Variants in APP observed in about 807,000 individuals in gnomAD.
APP encodes the protein amyloid-beta precursor protein.
In APP, 31 loss-of-function variants were observed where a neutral mutation model predicts 101.4. That is an observed-to-expected ratio of 0.31 (90% CI 0.23 to 0.41). The LOEUF (loss-of-function observed/expected upper bound fraction) is 0.41. Ranked by LOEUF, APP falls within the 10% of genes least tolerant of loss-of-function variation. APP has a pLI of 1.00. For missense variants in APP, 839 were observed against 1,003.7 expected (o/e 0.84, Z 2.22); for synonymous variants, 366 against 364.4 (o/e 1.00, Z -0.05).
chr21:26,080,456 A>C (rs2146074917), intron 3 of APP, among the ~76,000 whole-genome samples: 1 of 152,016 alleles, frequency 6.6e-6, no homozygotes, highest in East Asian at 1.9e-4. Context: ...TGACTGAATT[A>C]AAATAGCTTT....
chr21:25,905,102 A>G, intron 14 of APP, 25 bp from the exon 15 acceptor site: 1 of 1,609,192 alleles, frequency 6.2e-7, no homozygotes, highest in Non-Finnish European at 8.5e-7. Flanking sequence ...CAAGGGACAC[A>G]GAAAGCAAAC....
chr21:26,030,774 G>A (rs2044782464), intron 5 of APP, among the ~76,000 whole-genome samples: 1 of 152,194 alleles, frequency 6.6e-6, no homozygotes, highest in Non-Finnish European at 1.5e-5. Flanking sequence ...AGAAAACTGT[G>A]AACGAGCAAA....
At chr21:26,148,455 G>C (rs12481729) in intron 1 of APP, among the ~76,000 whole-genome samples, 7,704 of 152,260 alleles carry the variant, frequency 0.051, 308 homozygotes, top group South Asian at 0.097. Context: ...AGGTCAGATG[G>C]GGAGGGACAA....
intron 5 of APP, among the ~76,000 whole-genome samples, chr21:26,033,542 G>A (rs1384209135): frequency 2.0e-5 from 3 of 152,212 alleles, no homozygotes; most frequent in Non-Finnish European, 2.9e-5. Flanking sequence ...TGGTGGAGGA[G>A]GGGGTGGACT....
At chr21:26,136,730 G>A (rs1487829350) in intron 1 of APP, among the ~76,000 whole-genome samples, 10 of 151,832 alleles carry the variant, frequency 6.6e-5, no homozygotes, top group African/African-American at 2.4e-4. Flanking sequence ...TAAAACACAG[G>A]TTGGTTGTTT....
At chr21:26,019,478 G>A (rs995291912) in intron 6 of APP, among the ~76,000 whole-genome samples, 1 of 152,076 alleles carries the variant, frequency 6.6e-6, no homozygotes, top group Non-Finnish European at 1.5e-5. Flanking sequence ...TCTTACTCTC[G>A]GAGGCAGGTT....
Position 26,000,068 on chromosome 21 carries a change from T to A in APP, c.980A>T (p.Asn327Ile). 6.2e-7 allele frequency: 1 copy of A among 1,614,164 alleles called. No homozygotes were observed. Among genetic ancestry groups the A allele is most frequent in the Non-Finnish European group, 8.5e-7 (1 of 1,180,014 alleles). ...APFFYGGCGG[N>I]RNNFDTEEYC... ...CTCTTCTGTGTCAAAGTTGTTCCGG[T>A]TGCCGCCACATCCGCCGTAAAAGAA... Residue 327 changes from asparagine (N) to isoleucine (I), a missense_variant, in exon 7 of 18, where the codon AAC becomes ATC. Transcript: ENST00000346798.
Position 26,054,645 on chromosome 21 carries a change from T to TTA in APP, c.356-1298_356-1297insTA, listed in dbSNP as rs1555858915. ...GTTTTTTTTTTTTTTTTTTTTTTTT[T>TTA]AAGATAGACTCTATAATTAAGTGAA... On this transcript the variant is annotated intron_variant, in intron 3 of 17. Transcript: ENST00000346798. Among the ~76,000 whole-genome samples, 193 of 141,100 alleles carry TTA rather than the reference T, an allele frequency of 1.4e-3. 5 individuals carry two copies. The East Asian group carries it at 0.03, about 22-fold the overall frequency. 92.6% of individuals were successfully genotyped at this position (141,100 alleles called of 152,430 possible). A position where few individuals can be genotyped will look rare whatever the true frequency, so the allele number is the denominator to read the frequency against.
In APP at chr21:26,045,828, G is replaced by A. The variant is rs556737827; in HGVS notation, c.662+5172C>T. On this transcript the variant is annotated intron_variant, in intron 5 of 17. Transcript: ENST00000346798. ...GCACCCACACAAGCCACCCCGAGCT[G>A]TATTAGTTCATTTGCATGTTGCCGA... 3.9e-5 allele frequency among the ~76,000 whole-genome samples: 6 copies of A among 152,290 alleles called. No individual in the cohort carries two copies. In the South Asian group the frequency reaches 1.2e-3, roughly 32 times the overall value.
intron 3 of APP, among the ~76,000 whole-genome samples, chr21:26,070,308 T>A (rs1273142579): frequency 6.6e-6 from 1 of 152,194 alleles, no homozygotes; most frequent in Non-Finnish European, 1.5e-5. Flanking sequence ...CAAGGCTTAG[T>A]TTCATTATTG....
intron 6 of APP, among the ~76,000 whole-genome samples, chr21:26,006,640 A>G (rs186736023): frequency 6.6e-6 from 1 of 152,342 alleles, no homozygotes; most frequent in African/African-American, 2.4e-5. Context: ...TTCTGAATAG[A>G]TATTTCAAAT....
At chr21:26,072,655 A>C (rs956936642) in intron 3 of APP, among the ~76,000 whole-genome samples, 3 of 152,172 alleles carry the variant, frequency 2.0e-5, no homozygotes, top group Admixed American at 2.0e-4. Context: ...AAAAGCAAAA[A>C]AAAAGAAAGC....
chr21:26,098,289 T>C (rs2061990658), intron 2 of APP, among the ~76,000 whole-genome samples: 1 of 151,668 alleles, frequency 6.6e-6, no homozygotes. Context: ...CATCAGAATG[T>C]TTTGTTCCAC....
At chr21:26,084,388 G>GC (rs35186839) in intron 3 of APP, among the ~76,000 whole-genome samples, 152,171 of 152,174 alleles carry the variant, frequency 1, 76,084 homozygotes, top group Middle Eastern at 1. Flanking sequence ...ACAGGCGCCC[G>GC]CACCACGCCT....
At chr21:25,973,310 A>T (rs1363526681) in intron 11 of APP, among the ~76,000 whole-genome samples, 2 of 152,238 alleles carry the variant, frequency 1.3e-5, no homozygotes, top group East Asian at 3.8e-4. Context: ...CGCAAGACCC[A>T]ATTACATGCT....
chr21:25,942,160 T>C (rs562375089), intron 13 of APP: 15 of 152,328 alleles, frequency 9.8e-5, no homozygotes, highest in African/African-American at 3.6e-4. Flanking sequence ...TTGGGAAGCA[T>C]CTTATTACTG....
At chr21:26,169,683 C>A (rs918670267) in intron 1 of APP, among the ~76,000 whole-genome samples, 1 of 152,234 alleles carries the variant, frequency 6.6e-6, no homozygotes, top group Non-Finnish European at 1.5e-5. Context: ...GGAAGGGAGC[C>A]GGGCGGGAGC....
At chr21:26,066,422 T>G (rs2046455713) in intron 3 of APP, among the ~76,000 whole-genome samples, 1 of 152,002 alleles carries the variant, frequency 6.6e-6, no homozygotes, top group African/African-American at 2.4e-5. Flanking sequence ...ACTGTTTTCA[T>G]CTTGCTAAAC....
chr21:26,102,120 CTCT>C (rs966394743), intron 2 of APP, among the ~76,000 whole-genome samples: 13 of 938 alleles, frequency 0.014, no homozygotes, highest in Non-Finnish European at 0.041. Flanking sequence ...CGGAGTCTCG[CTCT>C]TGTCGCCCAG....
Sources: gnomAD v4.1 joint callset for allele counts (sites outside exome capture counted in the v4.1 genomes callset) on GRCh38, gnomAD v4.1.1 for gene constraint, MANE v1.5 for transcripts, NCBI Gene and HGNC (gene_info 2026-07-23, HGNC 2026-07-21) for gene names.